Variants in TRAPPC8 observed in about 807,000 individuals in gnomAD.
The protein encoded by TRAPPC8 is general sporulation gene 1 homolog.
A neutral mutation model predicts 174.3 loss-of-function variants in TRAPPC8; 54 were observed. That is an observed-to-expected ratio of 0.31 (90% CI 0.25 to 0.39). TRAPPC8 has a LOEUF of 0.39. Among genes scored for constraint, TRAPPC8 ranks in the 10% least tolerant of loss-of-function variants. The probability of loss-of-function intolerance (pLI) is 1.00; values close to 1 mark genes in which losing one functional copy is unlikely to be tolerated. For missense variants in TRAPPC8, 1,531 were observed against 1,699.1 expected (o/e 0.90, Z 1.74); for synonymous variants, 630 against 579.9 (o/e 1.09, Z -1.24).
intron 16 of TRAPPC8, among the ~76,000 whole-genome samples, chr18:31,868,766 G>C (rs1473664505): frequency 6.6e-6 from 1 of 151,858 alleles, no homozygotes; most frequent in East Asian, 1.9e-4. Context: ...ACAATGGCAT[G>C]ACCTTGGCTC....
chr18:31,839,968 A>G (rs2032998721), intron 26 of TRAPPC8, among the ~76,000 whole-genome samples: 1 of 152,222 alleles, frequency 6.6e-6, no homozygotes, highest in Admixed American at 6.5e-5. Flanking sequence ...ATGTGCTTCA[A>G]CTACACTAGC....
intron 8 of TRAPPC8, among the ~76,000 whole-genome samples, chr18:31,907,896 T>C (rs1334490857): frequency 6.6e-6 from 1 of 152,208 alleles, no homozygotes; most frequent in Non-Finnish European, 1.5e-5. Context: ...CACATTTATA[T>C]ACAACCAGGA....
At chr18:31,847,476 C>G (rs2033469926) in intron 25 of TRAPPC8, among the ~76,000 whole-genome samples, 2 of 152,150 alleles carry the variant, frequency 1.3e-5, no homozygotes, top group Admixed American at 6.5e-5. Context: ...ATTTTTTTGA[C>G]AAGCCCGGTA....
chr18:31,873,583 G>A (rs1416489880), intron 13 of TRAPPC8, 45 bp from the exon 14 acceptor site: 1 of 1,398,602 alleles, frequency 7.2e-7, no homozygotes. Context: ...TTGTGAAAAT[G>A]GTATTTTTAT....
chr18:31,933,376 T>C (rs988436406), intron 1 of TRAPPC8, among the ~76,000 whole-genome samples: 2 of 151,520 alleles, frequency 1.3e-5, no homozygotes, highest in Admixed American at 6.6e-5. Flanking sequence ...TTGATTTAAA[T>C]CCCAACCCAT....
chr18:31,851,132 A>G (rs2033682567), intron 24 of TRAPPC8, among the ~76,000 whole-genome samples: 1 of 152,228 alleles, frequency 6.6e-6, no homozygotes, highest in Non-Finnish European at 1.5e-5. Context: ...TATCAAGGAG[A>G]CGAGCAGAAA....
intron 1 of TRAPPC8, among the ~76,000 whole-genome samples, chr18:31,936,045 C>T (rs907759319): frequency 5.9e-5 from 9 of 151,916 alleles, no homozygotes; most frequent in African/African-American, 2.2e-4. Context: ...CACAAGACCC[C>T]ATCTCTATAA....
chr18:31,909,463 ACAC>A, intron 6 of TRAPPC8: 1 of 621,884 alleles, frequency 1.6e-6, no homozygotes, highest in Non-Finnish European at 2.0e-6. Context: ...AGAAATCTAT[ACAC>A]TACTCATATA....
rs1369447836 is a variant in TRAPPC8, at chr18:31,916,379, C to T, written c.510G>A (p.Gln170=). The T allele has an allele frequency of 1.9e-6, 3 of 1,613,776 alleles. No individual in the cohort carries two copies. Among genetic ancestry groups the T allele is most frequent in the African/African-American group, 1.3e-5 (1 of 74,922 alleles). Residue 170 remains glutamine (Q), a synonymous_variant, in exon 4 of 29, where the codon CAG becomes CAA. Transcript: ENST00000283351. ...VEQFSKLSQE[Q]HRIQHNSDYS... The stretch of plus-strand genomic sequence containing the variant: ...AATCACTGTTGTGCTGAATTCGATG[C>T]TGTTCTTGTGACAACTTTGAAAACT...
At position 31,942,796 on chromosome 18, in the gene TRAPPC8, C is replaced by G. The variant is rs1224285173; in HGVS notation, c.-32G>C. On this transcript the variant is annotated 5_prime_UTR_variant, in exon 1 of 29. Transcript: ENST00000283351. ...AGCACAGGCAGCGGCGGCGCCCGCC[C>G]TCCGGCCCACCCTGCGAGGTTATCC... is the stretch of plus-strand genomic sequence containing the variant. 1.5e-6 allele frequency: 2 copies of G among 1,366,460 alleles called. No individual in the cohort carries two copies. The highest frequency in any genetic ancestry group is 1.9e-6 in the Non-Finnish European group (2 of 1,050,352). 84.6% of individuals were successfully genotyped at this position (1,366,460 alleles called of 1,614,324 possible).
Position 31,939,078 on chromosome 18 carries a change from G to A in TRAPPC8, c.157+3530C>T, listed in dbSNP as rs201919836. ...CAGCCTGGTGACAGAGCGAGACTCC[G>A]TCTCAAAAAAAAAAAAAAAAAAAAA... On this transcript the variant is annotated intron_variant, in intron 1 of 28. Transcript: ENST00000283351. 8.2e-5 allele frequency among the ~76,000 whole-genome samples: 5 copies of A among 60,734 alleles called. No homozygotes were observed. The East Asian group carries it at 2.4e-3, about 29-fold the overall frequency. 39.8% of individuals were successfully genotyped at this position (60,734 alleles called of 152,430 possible).
Position 31,909,721 on chromosome 18 carries a change from T to G in TRAPPC8, c.811A>C (p.Lys271Gln). 6.2e-7 allele frequency: 1 copy of G among 1,601,562 alleles called. No individual in the cohort carries two copies. Among genetic ancestry groups the G allele is most frequent in the East Asian group, 2.2e-5 (1 of 44,510 alleles). The change falls in exon 6 of 29, where the codon AAG becomes CAG. Residue 271 changes from lysine (K) to glutamine (Q), a missense_variant. By Grantham distance (53) the Lys-to-Gln change is moderately conservative. Coordinates refer to ENST00000283351, the MANE Select transcript of TRAPPC8 (RefSeq NM_014939.5). ...GAAAGCAAGTTATTATCAGAATTCTTATTTGAAGTTATAGTACAAGGGCCA... is the reference window on the plus strand; with the variant it reads ...GAAAGCAAGTTATTATCAGAATTCTGATTTGAAGTTATAGTACAAGGGCCA... ...EDGPCTITSN[K>Q]NSDNNLLSLD...
chr18:31,890,794 C>T lies in TRAPPC8; in HGVS notation c.1669G>A (p.Val557Ile), dbSNP rs761907962. ...ATCATATGAAATGCATATTTTCTAA[C>T]CATGGGACTTTTCATGTTTATAAAG... ...HCFINMKSPMVRKYAFHMILA... is the reference protein window; with the variant it reads ...HCFINMKSPMIRKYAFHMILA... The change falls in exon 12 of 29, where the codon GTT becomes ATT. Residue 557 changes from valine to isoleucine, a missense_variant. Val to Ile is a conservative substitution (Grantham distance 29, BLOSUM62 3). Coordinates refer to ENST00000283351, the MANE Select transcript of TRAPPC8 (RefSeq NM_014939.5). The T allele has an allele frequency of 1.9e-6, 3 of 1,612,480 alleles. No homozygotes were observed. Among genetic ancestry groups the T allele is most frequent in the South Asian group, 2.2e-5 (2 of 90,940 alleles).
chr18:31,878,503 G>C (rs2035271731), intron 12 of TRAPPC8, among the ~76,000 whole-genome samples: 1 of 152,118 alleles, frequency 6.6e-6, no homozygotes, highest in South Asian at 2.1e-4. Context: ...AATGCTCAAA[G>C]GAGTTCTAAA....
At chr18:31,862,715 TACCTATATC>T (rs2034390445) in intron 19 of TRAPPC8, among the ~76,000 whole-genome samples, 1 of 152,082 alleles carries the variant, frequency 6.6e-6, no homozygotes, top group African/African-American at 2.4e-5. Flanking sequence ...ATGAGTATGT[TACCTATATC>T]ACCACTACAT....
intron 3 of TRAPPC8, among the ~76,000 whole-genome samples, chr18:31,917,147 C>G (rs1351242695): frequency 6.6e-6 from 1 of 151,532 alleles, no homozygotes; most frequent in South Asian, 2.1e-4. Flanking sequence ...GAAAACTAAG[C>G]CACAATCATA....
At chr18:31,894,629 CAATT>C (rs1250470583) in intron 11 of TRAPPC8, among the ~76,000 whole-genome samples, 3 of 152,026 alleles carry the variant, frequency 2.0e-5, no homozygotes, top group Non-Finnish European at 2.9e-5. Flanking sequence ...GTAGAGGCCT[CAATT>C]AACATTTCAA....
intron 27 of TRAPPC8, 86 bp downstream of exon 27, chr18:31,839,226 G>C: frequency 7.5e-7 from 1 of 1,335,026 alleles, no homozygotes; most frequent in South Asian, 1.6e-5. Flanking sequence ...TCAATATTTG[G>C]GTTAATGTCA....
Position 31,942,814 on chromosome 18 carries a change from G to C in TRAPPC8, c.-50C>G. 1 of 1,300,776 alleles carries C rather than the reference G, an allele frequency of 7.7e-7. No individual in the cohort carries two copies. The highest frequency in any genetic ancestry group is 9.8e-7 in the Non-Finnish European group (1 of 1,019,674). The allele number at this position is 1,300,776 out of a possible 1,614,324, so 80.6% of individuals were successfully genotyped here. ...GCCCGCCCTCCGGCCCACCCTGCGAGGTTATCCTGCGGCTGCAGCAGCTAC... is the reference window on the plus strand; with the variant it reads ...GCCCGCCCTCCGGCCCACCCTGCGACGTTATCCTGCGGCTGCAGCAGCTAC... On this transcript the variant is annotated 5_prime_UTR_variant, in exon 1 of 29. Coordinates refer to ENST00000283351, the MANE Select transcript of TRAPPC8 (RefSeq NM_014939.5).
Sources: gnomAD v4.1 joint callset for allele counts (sites outside exome capture counted in the v4.1 genomes callset) on GRCh38, gnomAD v4.1.1 for gene constraint, MANE v1.5 for transcripts, NCBI Gene and HGNC (gene_info 2026-07-23, HGNC 2026-07-21) for gene names.